SLC26A8: variants seen among roughly 807,000 people sequenced by gnomAD.
The protein encoded by SLC26A8 is testis anion transporter 1.
SLC26A8 carries 70 observed loss-of-function variants against 105.0 expected under a neutral mutation model. The ratio of observed to expected loss-of-function variants is 0.67; its 90% CI spans 0.55 to 0.81. The LOEUF (loss-of-function observed/expected upper bound fraction) is 0.81, where lower values mean the gene tolerates loss of function less well. SLC26A8 is among the 40% of genes least tolerant of loss of function. SLC26A8 has a pLI of 0.00. For missense variants in SLC26A8, 998 were observed against 1,181.8 expected (o/e 0.84, Z 2.28); for synonymous variants, 415 against 438.3 (o/e 0.95, Z 0.66).
At chr6:35,954,825 G>A in intron 17 of SLC26A8, 1 of 287,752 alleles carries the variant, frequency 3.5e-6, no homozygotes, top group Non-Finnish European at 6.8e-6. Context: ...CATGCCTGTA[G>A]TTCCAGCTAT....
intron 2 of SLC26A8, 136 bp from the exon 3 acceptor site, chr6:36,012,508 C>T (rs757839942): frequency 7.4e-5 from 71 of 961,278 alleles, no homozygotes; most frequent in Non-Finnish European, 1.0e-4. Context: ...ACATATTGGA[C>T]CAGATAATTC....
At chr6:35,959,666 G>A in intron 15 of SLC26A8, 48 bp downstream of exon 15, 2 of 1,602,852 alleles carry the variant, frequency 1.2e-6, no homozygotes, top group Non-Finnish European at 1.7e-6. Flanking sequence ...AGAGATGCCA[G>A]TGGCGGGGAG....
chr6:35,985,563 T>C (rs757935793), intron 7 of SLC26A8, among the ~76,000 whole-genome samples: 19 of 151,574 alleles, frequency 1.3e-4, no homozygotes, highest in Non-Finnish European at 2.4e-4. Context: ...CATGGTGGTG[T>C]GTACCTGTAA....
At chr6:35,965,651 C>T (rs1772480187) in intron 11 of SLC26A8, among the ~76,000 whole-genome samples, 1 of 142,984 alleles carries the variant, frequency 7.0e-6, no homozygotes, top group East Asian at 2.0e-4. Flanking sequence ...CATTGCACTC[C>T]AGCCTGGGCA....
chr6:35,987,308 T>C (rs544618511), intron 7 of SLC26A8, among the ~76,000 whole-genome samples: 2 of 152,320 alleles, frequency 1.3e-5, no homozygotes, highest in East Asian at 3.9e-4. Context: ...TGGGTTGGTA[T>C]CTCTCAGGCA....
intron 3 of SLC26A8, among the ~76,000 whole-genome samples, chr6:36,011,847 A>G (rs1761866130): frequency 6.6e-6 from 1 of 152,160 alleles, no homozygotes; most frequent in African/African-American, 2.4e-5. Context: ...GAGCTCAAGC[A>G]ATCTGTCTGC....
intron 3 of SLC26A8, among the ~76,000 whole-genome samples, chr6:36,011,232 C>T (rs971340545): frequency 3.3e-5 from 5 of 152,186 alleles, no homozygotes; most frequent in South Asian, 2.1e-4. Context: ...AATGGTAGAA[C>T]GTCAGCTGTG....
chr6:36,020,302 A>G lies in SLC26A8; in HGVS notation c.-2-593T>C, dbSNP rs540120558. On this transcript the variant is annotated intron_variant, in intron 1 of 19. Transcript: ENST00000490799. ...TTCACAGTTGCAGCCCCAGGACCCA[A>G]AAGAATGGCTTTCACTTAGCAACTT... 5.8e-4 allele frequency among the ~76,000 whole-genome samples: 89 copies of G among 152,328 alleles called. 1 individual carries two copies. The highest frequency in any genetic ancestry group is 1.3e-4 in the Non-Finnish European group (9 of 68,030).
Position 35,963,237 on chromosome 6 carries a change from C to T in SLC26A8, c.1366-616G>A, listed in dbSNP as rs1453507227. 2.6e-5 allele frequency among the ~76,000 whole-genome samples: 4 copies of T among 152,168 alleles called. No individual in the cohort carries two copies. The East Asian group carries it at 7.7e-4, about 29-fold the overall frequency. ...CAAAGACCACCTGATGACCATCTGA[C>T]AGGCCATCCGGAGGCAAAACTCCTT... is the stretch of plus-strand genomic sequence containing the variant. On this transcript the variant is annotated intron_variant, in intron 11 of 19. Transcript: ENST00000490799.
chr6:36,023,787 G>C (rs1762187727), intron 1 of SLC26A8, among the ~76,000 whole-genome samples: 1 of 152,066 alleles, frequency 6.6e-6, no homozygotes, highest in African/African-American at 2.4e-5. Flanking sequence ...TTACTACCTA[G>C]GTTTTTATGG....
At chr6:35,978,285 G>C (rs1240692414) in intron 8 of SLC26A8, among the ~76,000 whole-genome samples, 1 of 151,936 alleles carries the variant, frequency 6.6e-6, no homozygotes, top group Non-Finnish European at 1.5e-5. Context: ...TGAAGCATTA[G>C]TTTAACAGTC....
chr6:35,974,850 C>A (rs1343111541), intron 10 of SLC26A8, among the ~76,000 whole-genome samples: 1 of 152,048 alleles, frequency 6.6e-6, no homozygotes, highest in Non-Finnish European at 1.5e-5. Flanking sequence ...GATTCTCCTG[C>A]GTCAGCCTCC....
Position 35,959,799 on chromosome 6 carries a change from G to A in SLC26A8, c.1646C>T (p.Thr549Ile). Reference protein sequence around the residue: ...RSINDYREIITIPGVKIFQCC... With the variant: ...RSINDYREIIIIPGVKIFQCC... ...CTGGAAGATTTTCACCCCAGGAATG[G>A]TGATGATCTGCAAGACAAAATGTGA... Residue 549 changes from threonine to isoleucine, a missense_variant, in exon 15 of 20, where the codon ACC becomes ATC. Transcript: ENST00000490799. 6.2e-7 allele frequency: 1 copy of A among 1,606,208 alleles called. No individual in the cohort carries two copies. The highest frequency in any genetic ancestry group is 8.5e-7 in the Non-Finnish European group (1 of 1,177,766).
intron 5 of SLC26A8, among the ~76,000 whole-genome samples, chr6:35,997,105 C>A (rs945114402): frequency 3.3e-5 from 5 of 151,956 alleles, no homozygotes; most frequent in African/African-American, 1.2e-4. Context: ...GACTAAGAGT[C>A]CCCAGACCCC....
intron 3 of SLC26A8, among the ~76,000 whole-genome samples, chr6:36,002,119 T>C (rs1404732166): frequency 6.6e-6 from 1 of 152,180 alleles, no homozygotes; most frequent in Non-Finnish European, 1.5e-5. Context: ...GCTCTATTGA[T>C]TGCAAGTAAC....
chr6:35,956,308 G>T (rs977365773), intron 16 of SLC26A8, among the ~76,000 whole-genome samples: 1 of 151,218 alleles, frequency 6.6e-6, no homozygotes, highest in African/African-American at 2.4e-5. Flanking sequence ...CACGCCTATT[G>T]TCCCAGGTAC....
intron 7 of SLC26A8, among the ~76,000 whole-genome samples, chr6:35,988,162 C>T (rs1324234724): frequency 1.3e-5 from 2 of 152,048 alleles, no homozygotes; most frequent in Non-Finnish European, 2.9e-5. Context: ...CGGCCCACCT[C>T]GGCCTCCCAA....
chr6:35,995,595 C>T (rs1462620391), intron 5 of SLC26A8, among the ~76,000 whole-genome samples: 1 of 152,182 alleles, frequency 6.6e-6, no homozygotes, highest in Admixed American at 6.5e-5. Flanking sequence ...ATTTTCTTAA[C>T]CTCTCTATGC....
At chr6:35,944,475 A>G in intron 19 of SLC26A8, 135 bp from the exon 20 acceptor site, 1 of 521,548 alleles carries the variant, frequency 1.9e-6, no homozygotes, top group Non-Finnish European at 3.4e-6. Context: ...GTTCAAGGCC[A>G]GCCTGGGCAA....
Sources: allele counts gnomAD v4.1 joint callset (sites outside exome capture counted in the v4.1 genomes callset), GRCh38; gene constraint gnomAD v4.1.1; transcripts MANE v1.5; gene names NCBI Gene and HGNC (gene_info 2026-07-23, HGNC 2026-07-21).